SUSD1: variants seen among roughly 807,000 people sequenced by gnomAD.
SUSD1 encodes sushi domain-containing protein 1.
SUSD1 carries 65 observed loss-of-function variants against 86.9 expected under a neutral mutation model. The observed-to-expected ratio is 0.75, with a 90% CI of 0.61 to 0.92. SUSD1 has a LOEUF of 0.92. SUSD1 is among the 40% of genes least tolerant of loss of function. The pLI, the probability that SUSD1 is intolerant of heterozygous loss-of-function variation, is 0.00. For synonymous variants in SUSD1, 346 were observed against 350.0 expected (o/e 0.99, Z 0.13); for missense variants, 850 against 929.7 (o/e 0.91, Z 1.11).
intron 12 of SUSD1, among the ~76,000 whole-genome samples, chr9:112,075,819 A>T (rs1470960513): frequency 2.0e-5 from 3 of 152,208 alleles, no homozygotes; most frequent in African/African-American, 7.2e-5. Context: ...GTAGATACAG[A>T]GTACTAGCGT....
chr9:112,149,479 T>C, intron 2 of SUSD1, 80 bp from the exon 3 acceptor site: 1 of 1,529,534 alleles, frequency 6.5e-7, no homozygotes. Flanking sequence ...TCCCATGCTA[T>C]GGACTCGGGA....
intron 10 of SUSD1, among the ~76,000 whole-genome samples, chr9:112,089,477 C>G (rs1174043205): frequency 6.6e-6 from 1 of 152,054 alleles, no homozygotes; most frequent in East Asian, 1.9e-4. Context: ...TATAGTACAA[C>G]CACCTTTGTA....
chr9:112,156,614 C>T (rs1387599944), intron 2 of SUSD1, among the ~76,000 whole-genome samples: 1 of 152,072 alleles, frequency 6.6e-6, no homozygotes, highest in Non-Finnish European at 1.5e-5. Context: ...TCTCACTATG[C>T]TGCCCAGGCT....
At chr9:112,048,029 G>A (rs1564242590) in intron 15 of SUSD1, among the ~76,000 whole-genome samples, 2 of 152,164 alleles carry the variant, frequency 1.3e-5, no homozygotes, top group Non-Finnish European at 2.9e-5. Flanking sequence ...GCCTTGCTCA[G>A]CTCCTTCTGT....
At chr9:112,112,697 G>C (rs1831154981) in intron 7 of SUSD1, 74 bp downstream of exon 7, 2 of 962,676 alleles carry the variant, frequency 2.1e-6, no homozygotes, top group South Asian at 1.4e-5. Flanking sequence ...TCTCACGGAA[G>C]CAAGTCCCTC....
chr9:112,070,660 G>A (rs990646550), intron 12 of SUSD1, among the ~76,000 whole-genome samples: 2 of 152,114 alleles, frequency 1.3e-5, no homozygotes, highest in African/African-American at 4.8e-5. Flanking sequence ...GAAGCAAATG[G>A]CAAAAGAAAT....
At chr9:112,112,362 C>A (rs749092453) in intron 7 of SUSD1, among the ~76,000 whole-genome samples, 1 of 152,128 alleles carries the variant, frequency 6.6e-6, no homozygotes, top group Admixed American at 6.5e-5. Flanking sequence ...AGGCCAGGCG[C>A]GGTGGCTCAT....
intron 1 of SUSD1, among the ~76,000 whole-genome samples, chr9:112,170,778 C>T (rs908569034): frequency 2.0e-5 from 3 of 151,162 alleles, no homozygotes; most frequent in East Asian, 1.9e-4. Flanking sequence ...GGCATGATCT[C>T]GGCTCACTGC....
At position 112,078,809 on chromosome 9, in the gene SUSD1, C is replaced by CTGTTTTT. The variant is rs1554756866; in HGVS notation, c.1567-86_1567-85insAAAAACA. The CTGTTTTT allele has an allele frequency of 3.0e-5, 25 of 830,168 alleles. No homozygotes were observed. The African/African-American group carries it at 4.4e-4, about 15-fold the overall frequency. The allele number at this position is 830,168 out of a possible 1,614,324, so 51.4% of individuals were successfully genotyped here. ...AAACCTCCCCTTTTCCTTTTTCTTT[C>CTGTTTTT]TCTTTTTTTTTTTTTTTTTTTGAGA... On this transcript the variant is annotated intron_variant, in intron 11 of 16. Coordinates refer to ENST00000374270, the MANE Select transcript of SUSD1 (RefSeq NM_022486.5).
chr9:112,129,381 C>G (rs1198771287), intron 5 of SUSD1, among the ~76,000 whole-genome samples: 3 of 152,196 alleles, frequency 2.0e-5, no homozygotes, highest in African/African-American at 7.2e-5. Context: ...GGCACAATCA[C>G]AGCTCACTGC....
intron 10 of SUSD1, among the ~76,000 whole-genome samples, chr9:112,093,629 T>C (rs111238828): frequency 2.6e-5 from 4 of 152,210 alleles, no homozygotes; most frequent in African/African-American, 9.6e-5. Flanking sequence ...ATAAAGTTGA[T>C]CCTCTATTTG....
intron 5 of SUSD1, among the ~76,000 whole-genome samples, chr9:112,131,128 A>C (rs549549243): frequency 6.6e-6 from 1 of 152,340 alleles, no homozygotes; most frequent in South Asian, 2.1e-4. Context: ...CTTAAGTCAC[A>C]TTCAAAGTCA....
intron 5 of SUSD1, among the ~76,000 whole-genome samples, chr9:112,132,533 C>T (rs1054372535): frequency 2.6e-5 from 4 of 152,190 alleles, no homozygotes; most frequent in African/African-American, 9.7e-5. Flanking sequence ...AAGGCTAACA[C>T]ATCACCTGGA....
chr9:112,068,634 A>T (rs1211440856), intron 12 of SUSD1, among the ~76,000 whole-genome samples: 1 of 151,680 alleles, frequency 6.6e-6, no homozygotes, highest in Non-Finnish European at 1.5e-5. Flanking sequence ...CCCGGGAGGC[A>T]GAGGTTGCAG....
chr9:112,131,212 C>T (rs1832021108), intron 5 of SUSD1, among the ~76,000 whole-genome samples: 2 of 152,160 alleles, frequency 1.3e-5, no homozygotes, highest in Non-Finnish European at 2.9e-5. Flanking sequence ...TAAATCTGGG[C>T]AGTTTCACCA....
At chr9:112,165,976 A>AGAAG (rs1833807377) in intron 1 of SUSD1, among the ~76,000 whole-genome samples, 2 of 151,760 alleles carry the variant, frequency 1.3e-5, no homozygotes, top group Non-Finnish European at 2.9e-5. Flanking sequence ...AAAGAAAGAA[A>AGAAG]GAAAGAAAGA....
intron 12 of SUSD1, among the ~76,000 whole-genome samples, chr9:112,064,056 G>GGGGGGGT (rs1828861020): frequency 7.6e-6 from 1 of 131,704 alleles, no homozygotes; most frequent in Non-Finnish European, 1.6e-5. Context: ...TGGGGGGGGG[G>GGGGGGGT]CGGGTGGGGG....
At chr9:112,101,917 T>C (rs1239241286) in intron 9 of SUSD1, among the ~76,000 whole-genome samples, 1 of 152,202 alleles carries the variant, frequency 6.6e-6, no homozygotes. Flanking sequence ...ATAAGCTGTA[T>C]TGTTTAATGC....
chr9:112,058,747 C>G, intron 13 of SUSD1, 61 bp from the exon 14 acceptor site: 1 of 1,576,072 alleles, frequency 6.3e-7, no homozygotes, highest in Non-Finnish European at 8.6e-7. Flanking sequence ...TTCATTCATT[C>G]ATATTTATTG....
Sources: gnomAD v4.1 joint callset for allele counts (sites outside exome capture counted in the v4.1 genomes callset) on GRCh38, gnomAD v4.1.1 for gene constraint, MANE v1.5 for transcripts, NCBI Gene and HGNC (gene_info 2026-07-23, HGNC 2026-07-21) for gene names.